The following EBF3 variants were observed in gnomAD, a reference collection of about 807,000 sequenced individuals.
The protein encoded by EBF3 is transcription factor COE3.
EBF3 carries 18 observed loss-of-function variants against 77.1 expected under a neutral mutation model. That is an observed-to-expected ratio of 0.23 (90% CI 0.16 to 0.35). The LOEUF (loss-of-function observed/expected upper bound fraction) is 0.35, where lower values mean the gene tolerates loss of function less well. Among genes scored for constraint, EBF3 ranks in the 10% least tolerant of loss-of-function variants. The pLI is 1.00. For synonymous variants in EBF3, 350 were observed against 343.5 expected, an observed-to-expected ratio of 1.02 and a Z score of -0.21; for missense variants, 558 against 860.0, an observed-to-expected ratio of 0.65 and a Z score of 4.39.
chr10:129,902,790 A>AG (rs1209713448), intron 6 of EBF3, among the ~76,000 whole-genome samples: 1 of 152,200 alleles, frequency 6.6e-6, no homozygotes, highest in Non-Finnish European at 1.5e-5. Context: ...CAAGACACAC[A>AG]GGATTTCAGT....
intron 6 of EBF3, among the ~76,000 whole-genome samples, chr10:129,929,642 C>T (rs548019580): frequency 1.3e-5 from 2 of 152,300 alleles, no homozygotes; most frequent in African/African-American, 4.8e-5. Flanking sequence ...TAGACCCAGT[C>T]CAAGGAGGCC....
Position 129,842,436 on chromosome 10 carries a change from C to G in EBF3, c.1195-143G>C. 1.0e-6 allele frequency: 1 copy of G among 988,356 alleles called. No homozygotes were observed. Among genetic ancestry groups the G allele is most frequent in the Non-Finnish European group, 1.4e-6 (1 of 699,882 alleles). 61.2% of individuals were successfully genotyped at this position (988,356 alleles called of 1,614,324 possible). A position where few individuals can be genotyped will look rare whatever the true frequency, so the allele number is the denominator to read the frequency against. ...CTATTTCTTAATGGGCAAAGAGCTTCCCCTAGAAAATCATTTACTGACGCT... is the reference window on the plus strand; with the variant it reads ...CTATTTCTTAATGGGCAAAGAGCTTGCCCTAGAAAATCATTTACTGACGCT... On this transcript the variant is annotated intron_variant, in intron 12 of 16. Transcript: ENST00000440978. The surrounding 1 kb of genome is among the most constrained non-coding windows in gnomAD (Gnocchi z 4.4).
At chr10:129,905,723 G>A (rs1309071162) in intron 6 of EBF3, among the ~76,000 whole-genome samples, 1 of 152,172 alleles carries the variant, frequency 6.6e-6, no homozygotes, top group African/African-American at 2.4e-5. Context: ...GACGGTGGCG[G>A]GGAAGGGAAG....
chr10:129,872,041 T>C (rs1052893478), intron 8 of EBF3, among the ~76,000 whole-genome samples: 11 of 152,268 alleles, frequency 7.2e-5, no homozygotes, highest in African/African-American at 2.7e-4. Context: ...TGCTTTTTCA[T>C]GCTACTTACA....
Position 129,848,626 on chromosome 10 carries a change from A to C in EBF3, c.1040-146T>G. The C allele has an allele frequency of 1.3e-6, 1 of 794,388 alleles. No homozygotes were observed. Among genetic ancestry groups the C allele is most frequent in the East Asian group, 2.6e-5 (1 of 38,666 alleles). 49.2% of individuals were successfully genotyped at this position (794,388 alleles called of 1,614,324 possible). ...ACCCCTGAATACTAGCTGTGTCTTA[A>C]GGAATAGATTTTCCCCCTTTCTTTT... On this transcript the variant is annotated intron_variant, in intron 10 of 16. Transcript: ENST00000440978. The surrounding 1 kb of genome is among the most constrained non-coding windows in gnomAD (Gnocchi z 4.4).
rs1254371145 is a variant in EBF3 at position 129,947,276 on chromosome 10, A to G, written c.554+9982T>C. Reference sequence around the variant, plus strand: ...ATGGGAAACAAATGCTGTGGGTGTGAATTCATACTTAACCATAAAAACCCT... The same window carrying G: ...ATGGGAAACAAATGCTGTGGGTGTGGATTCATACTTAACCATAAAAACCCT... On this transcript the variant is annotated intron_variant, in intron 6 of 16. Coordinates refer to ENST00000440978, the MANE Select transcript of EBF3 (RefSeq NM_001375380.1). The surrounding 1 kb of genome is among the most constrained non-coding windows in gnomAD (Gnocchi z 4.5). 6.6e-6 allele frequency among the ~76,000 whole-genome samples: 1 copy of G among 152,226 alleles called. No homozygotes were observed. Among genetic ancestry groups the G allele is most frequent in the East Asian group, 1.9e-4 (1 of 5,192 alleles).
chr10:129,849,404 G>T (rs956109485), intron 10 of EBF3, among the ~76,000 whole-genome samples: 1 of 152,226 alleles, frequency 6.6e-6, no homozygotes, highest in African/African-American at 2.4e-5. Flanking sequence ...AATAAGACCT[G>T]CCACCATCTA....
At chr10:129,892,625 T>C (rs1004828595) in intron 6 of EBF3, among the ~76,000 whole-genome samples, 7 of 152,214 alleles carry the variant, frequency 4.6e-5, no homozygotes, top group Non-Finnish European at 2.9e-5. Flanking sequence ...GAGAGGGTCA[T>C]AGCTACGAAC....
intron 6 of EBF3, among the ~76,000 whole-genome samples, chr10:129,925,591 CA>C (rs11368338): frequency 0.66 from 75,777 of 114,426 alleles, 22,366 homozygotes; most frequent in East Asian, 0.75. Flanking sequence ...GACTCCATCT[CA>C]AAAAAAAAAA....
At position 129,901,773 on chromosome 10, in the gene EBF3, C is replaced by T. The variant is rs541450471; in HGVS notation, c.555-23924G>A. 2.0e-4 allele frequency among the ~76,000 whole-genome samples: 30 copies of T among 152,296 alleles called. No homozygotes were observed. In the South Asian group the frequency reaches 4.4e-3, roughly 22 times the overall value. On this transcript the variant is annotated intron_variant, in intron 6 of 16. Transcript: ENST00000440978. ...TATTAAAATCGCACAGCGGCGCCCT[C>T]GGTACAGTTTGCTCTGGTTTAATGA...
chr10:129,910,653 C>A (rs1359658792), intron 6 of EBF3, among the ~76,000 whole-genome samples: 1 of 152,020 alleles, frequency 6.6e-6, no homozygotes, highest in Non-Finnish European at 1.5e-5. Context: ...TGCTGTGGGT[C>A]CCCCCTTCTT....
At chr10:129,859,434 AGGCT>A (rs1851469877) in intron 10 of EBF3, among the ~76,000 whole-genome samples, 1 of 152,202 alleles carries the variant, frequency 6.6e-6, no homozygotes, top group Non-Finnish European at 1.5e-5. Context: ...CATGTTGGCC[AGGCT>A]GGTCTTGAAT....
In EBF3 at chr10:129,836,204, G is replaced by A. The variant is rs1176512760; in HGVS notation, c.*1739C>T. 2 of 152,528 alleles carry A rather than the reference G, an allele frequency of 1.3e-5. No individual in the cohort carries two copies. The highest frequency in any genetic ancestry group is 4.8e-5 in the African/African-American group (2 of 41,406). The allele number at this position is 152,528 out of a possible 1,614,324, so 9.4% of individuals were successfully genotyped here. The stretch of plus-strand genomic sequence containing the variant: ...TGTAGTGTAAGCCTGTGATAAAATA[G>A]CACAAAGGTTCTTTAAAGAAGTTCA... On this transcript the variant is annotated 3_prime_UTR_variant, in exon 17 of 17. Transcript: ENST00000440978.
rs140542714 is a variant in EBF3 at position 129,861,328 on chromosome 10, GA to G, written c.1039+5812del. Among the ~76,000 whole-genome samples the G allele has an allele frequency of 0.045, 6,797 of 150,850 alleles. 482 individuals carry two copies. Among genetic ancestry groups the G allele is most frequent in the African/African-American group, 0.15 (6,358 of 41,220 alleles). The stretch of plus-strand genomic sequence containing the variant: ...AGATGCACGCCACCCCACTTGGTAC[GA>G]AAAAAAAAGTCACCCTTTGCCATCC... On this transcript the variant is annotated intron_variant, in intron 10 of 16. Coordinates refer to ENST00000440978, the MANE Select transcript of EBF3 (RefSeq NM_001375380.1). The surrounding 1 kb of genome is among the most constrained non-coding windows in gnomAD (Gnocchi z 4.3).
chr10:129,894,261 A>G lies in EBF3; in HGVS notation c.555-16412T>C, dbSNP rs924041098. ...TGTAAACCTCCTGATTTCATAATGAATAACTCTTCATCATTTAATTAATTT... is the reference window on the plus strand; with the variant it reads ...TGTAAACCTCCTGATTTCATAATGAGTAACTCTTCATCATTTAATTAATTT... On this transcript the variant is annotated intron_variant, in intron 6 of 16. Transcript: ENST00000440978. Among the ~76,000 whole-genome samples, 22 of 152,238 alleles carry G rather than the reference A, an allele frequency of 1.4e-4. 1 individual carries two copies. Among genetic ancestry groups the G allele is most frequent in the Non-Finnish European group, 4.4e-5 (3 of 68,042 alleles).
At chr10:129,888,130 T>G (rs1403478929) in intron 6 of EBF3, among the ~76,000 whole-genome samples, 1 of 152,212 alleles carries the variant, frequency 6.6e-6, no homozygotes, top group African/African-American at 2.4e-5. Context: ...GTGGGCGTGC[T>G]CCAGGAAGGA....
chr10:129,840,183 C>CACAACCAA, intron 15 of EBF3, 62 bp downstream of exon 15: 1 of 1,325,428 alleles, frequency 7.5e-7, no homozygotes, highest in Non-Finnish European at 1.0e-6. Context: ...CCCCCACCCC[C>CACAACCAA]ACTCCCATCC....
chr10:129,916,652 C>G (rs1273898748), intron 6 of EBF3, among the ~76,000 whole-genome samples: 1 of 152,202 alleles, frequency 6.6e-6, no homozygotes, highest in Non-Finnish European at 1.5e-5. Flanking sequence ...CAGCGAGAGG[C>G]TGGATGCAGG....
In EBF3 at chr10:129,850,039, G is replaced by A. The variant is rs149680140; in HGVS notation, c.1040-1559C>T. Among the ~76,000 whole-genome samples the A allele has an allele frequency of 1.7e-4, 26 of 152,386 alleles. No homozygotes were observed. The East Asian group carries it at 4.4e-3, about 26-fold the overall frequency. The stretch of plus-strand genomic sequence containing the variant: ...AAAAGCATAGTTCGGGCCGCGGGGC[G>A]CGTGCGCAGTCGCCCAGCCTCACCA... On this transcript the variant is annotated intron_variant, in intron 10 of 16. Coordinates refer to ENST00000440978, the MANE Select transcript of EBF3 (RefSeq NM_001375380.1).
Sources: gnomAD v4.1 joint callset for allele counts (sites outside exome capture counted in the v4.1 genomes callset) on GRCh38, gnomAD v4.1.1 for gene constraint, Gnocchi (gnomAD v3.1) non-coding constraint, MANE v1.5 for transcripts, NCBI Gene and HGNC (gene_info 2026-07-23, HGNC 2026-07-21) for gene names.